SLC66A2: variants seen among roughly 807,000 people sequenced by gnomAD.
The protein encoded by SLC66A2 is solute carrier family 66 member 2.
A neutral mutation model predicts 25.5 loss-of-function variants in SLC66A2; 23 were observed. That is an observed-to-expected ratio of 0.90 (90% confidence interval 0.65 to 1.28). The LOEUF (loss-of-function observed/expected upper bound fraction) is 1.28. Ranked by LOEUF, SLC66A2 falls within the 50% of genes most tolerant of loss-of-function variation. The probability of loss-of-function intolerance (pLI) is 0.00; values close to 1 mark genes in which losing one functional copy is unlikely to be tolerated. For synonymous variants in SLC66A2, 193 were observed against 166.5 expected (o/e 1.16, Z -1.23); for missense variants, 396 against 373.1 (o/e 1.06, Z -0.51).
intron 5 of SLC66A2, among the ~76,000 whole-genome samples, chr18:79,914,388 C>T (rs1389349228): frequency 6.6e-6 from 1 of 152,226 alleles, no homozygotes. Flanking sequence ...GATACCACGA[C>T]GCCCCCATCA....
rs180984445 is a variant in SLC66A2 at position 79,927,535 on chromosome 18, C to T, written c.391+6434G>A. Among the ~76,000 whole-genome samples, 4 of 152,318 alleles carry T rather than the reference C, an allele frequency of 2.6e-5. No individual in the cohort carries two copies. Among genetic ancestry groups the T allele is most frequent in the African/African-American group, 7.2e-5 (3 of 41,570 alleles). On this transcript the variant is annotated intron_variant, in intron 4 of 5. Transcript: ENST00000397778. The surrounding 1 kb of genome is among the most constrained non-coding windows in gnomAD (Gnocchi z 6.2). Reference sequence around the variant, plus strand: ...TAGCCTTCGAGGCCGGCACTGGCCTCGCTGACCCCTCTAATCCTGCCACCT... The same window carrying T: ...TAGCCTTCGAGGCCGGCACTGGCCTTGCTGACCCCTCTAATCCTGCCACCT...
Position 79,940,220 on chromosome 18 carries a change from G to C in SLC66A2, c.337+3109C>G, listed in dbSNP as rs1013935030. Among the ~76,000 whole-genome samples, 2 of 152,152 alleles carry C rather than the reference G, an allele frequency of 1.3e-5. No homozygotes were observed. The highest frequency in any genetic ancestry group is 4.8e-5 in the African/African-American group (2 of 41,430). ...ACACAGAGGGGAACAACAGCCACTA[G>C]AGCCTGTCGGGGGGTGGAGAGCAGG... On this transcript the variant is annotated intron_variant, in intron 3 of 5. Transcript: ENST00000397778. The surrounding 1 kb of genome is among the most constrained non-coding windows in gnomAD (Gnocchi z 4.1).
Position 79,918,411 on chromosome 18 carries a change from G to A in SLC66A2, c.608+773C>T, listed in dbSNP as rs901851438. ...CACCGGGGGGCGGATCCCCAGTGAG[G>A]AGCGGGCCCGGGGGGGGGTCCCCAG... On this transcript the variant is annotated intron_variant, in intron 5 of 5. Transcript: ENST00000397778. This position sits in a 1 kb window ranked among gnomAD's most constrained non-coding sequence, Gnocchi z 4.0. 7.2e-6 allele frequency among the ~76,000 whole-genome samples: 1 copy of A among 138,910 alleles called. No homozygotes were observed. The highest frequency in any genetic ancestry group is 1.6e-5 in the Non-Finnish European group (1 of 61,534). The allele number at this position is 138,910 out of a possible 152,430, so 91.1% of individuals were successfully genotyped here.
intron 5 of SLC66A2, among the ~76,000 whole-genome samples, chr18:79,913,923 T>C (rs551654860): frequency 6.6e-6 from 1 of 152,326 alleles, no homozygotes; most frequent in South Asian, 2.1e-4. Flanking sequence ...CTTGTTTGTT[T>C]TTTTACATGG....
rs1388041248 is a variant in SLC66A2, at chr18:79,940,014, A to T, written c.337+3315T>A. ...CTAGATTTTCTTCTGGATGAAGCAA[A>T]TGTGGTACGTATACACCACGGAACA... On this transcript the variant is annotated intron_variant, in intron 3 of 5. Coordinates refer to ENST00000397778, the MANE Select transcript of SLC66A2 (RefSeq NM_025078.5). The surrounding 1 kb of genome is among the most constrained non-coding windows in gnomAD (Gnocchi z 4.1). Among the ~76,000 whole-genome samples, 3 of 152,252 alleles carry T rather than the reference A, an allele frequency of 2.0e-5. No homozygotes were observed. The highest frequency in any genetic ancestry group is 7.2e-5 in the African/African-American group (3 of 41,464).
intron 5 of SLC66A2, 73 bp downstream of exon 5, chr18:79,919,111 G>T: frequency 1.4e-5 from 19 of 1,350,764 alleles, no homozygotes; most frequent in East Asian, 2.4e-5. Flanking sequence ...ACAGGCGTTT[G>T]ATTTTTACCA....
In SLC66A2 at chr18:79,904,135, G is replaced by C; in HGVS notation, c.657C>G (p.Ala219=). Residue 219 remains alanine, a synonymous_variant, in exon 6 of 6, where the codon GCC becomes GCG. Coordinates refer to ENST00000397778, the MANE Select transcript of SLC66A2 (RefSeq NM_025078.5). This position sits in a 1 kb window ranked among gnomAD's most constrained non-coding sequence, Gnocchi z 6.3. The part of the protein sequence containing the change: ...MWTSGDAFKT[A]YFLLKGAPLQ... ...GAGGGGCACCCTTCAGCAGGAAGTA[G>C]GCCGTCTTGAAGGCGTCACCACTGG... 2 of 1,613,066 alleles carry C rather than the reference G, an allele frequency of 1.2e-6. No homozygotes were observed. Among genetic ancestry groups the C allele is most frequent in the Non-Finnish European group, 1.7e-6 (2 of 1,179,838 alleles).
At chr18:79,929,637 A>C (rs1294524986) in intron 4 of SLC66A2, among the ~76,000 whole-genome samples, 1 of 152,238 alleles carries the variant, frequency 6.6e-6, no homozygotes, top group African/African-American at 2.4e-5. Flanking sequence ...CAGTAGAAGA[A>C]GACTTTAAAA....
intron 2 of SLC66A2, among the ~76,000 whole-genome samples, chr18:79,945,841 C>T (rs769541829): frequency 2.0e-5 from 3 of 152,236 alleles, no homozygotes; most frequent in Non-Finnish European, 2.9e-5. Context: ...CTTCCAGGGC[C>T]GTTCTCCACT....
intron 4 of SLC66A2, among the ~76,000 whole-genome samples, chr18:79,919,914 A>G (rs796921510): frequency 9.3e-4 from 6 of 6,434 alleles, no homozygotes; most frequent in African/African-American, 1.2e-3. Flanking sequence ...TGAGAGGTCA[A>G]GGTCAGTGGG....
At chr18:79,926,909 A>G (rs1021631951) in intron 4 of SLC66A2, among the ~76,000 whole-genome samples, 2 of 152,228 alleles carry the variant, frequency 1.3e-5, no homozygotes, top group South Asian at 2.1e-4. Flanking sequence ...TCTTTTAAGC[A>G]CTTTGGCGCT....
intron 4 of SLC66A2, among the ~76,000 whole-genome samples, chr18:79,932,368 G>T (rs972920414): frequency 1.3e-5 from 2 of 151,936 alleles, no homozygotes; most frequent in Non-Finnish European, 2.9e-5. Flanking sequence ...CATAAGGAAT[G>T]AAAGAATATT....
Position 79,940,028 on chromosome 18 carries a change from C to T in SLC66A2, c.337+3301G>A, listed in dbSNP as rs1032938161. ...GGATGAAGCAAATGTGGTACGTATA[C>T]ACCACGGAACACTATGCAGCCATAA... On this transcript the variant is annotated intron_variant, in intron 3 of 5. Coordinates refer to ENST00000397778, the MANE Select transcript of SLC66A2 (RefSeq NM_025078.5). This position sits in a 1 kb window ranked among gnomAD's most constrained non-coding sequence, Gnocchi z 4.1. Among the ~76,000 whole-genome samples, 1 of 152,200 alleles carries T rather than the reference C, an allele frequency of 6.6e-6. No individual in the cohort carries two copies. The highest frequency in any genetic ancestry group is 2.4e-5 in the African/African-American group (1 of 41,446).
intron 3 of SLC66A2, among the ~76,000 whole-genome samples, chr18:79,934,336 G>C (rs1481546258): frequency 6.6e-6 from 1 of 152,194 alleles, no homozygotes; most frequent in African/African-American, 2.4e-5. Flanking sequence ...CAGCATGGGA[G>C]CCCGTCACAA....
At chr18:79,915,321 C>G (rs1466613484) in intron 5 of SLC66A2, 2 of 152,282 alleles carry the variant, frequency 1.3e-5, no homozygotes, top group Non-Finnish European at 2.9e-5. Context: ...CCCGCCCTGT[C>G]CCCTCCCCAT....
chr18:79,911,745 C>CGGGG (rs1983161387), intron 5 of SLC66A2, among the ~76,000 whole-genome samples: 1 of 151,394 alleles, frequency 6.6e-6, no homozygotes, highest in African/African-American at 2.4e-5. Flanking sequence ...GGGACGGGAG[C>CGGGG]AGGGAGGGGA....
intron 5 of SLC66A2, among the ~76,000 whole-genome samples, chr18:79,911,266 C>A (rs1011633634): frequency 6.6e-6 from 1 of 152,262 alleles, no homozygotes; most frequent in Non-Finnish European, 1.5e-5. Flanking sequence ...ATCTTTCCGT[C>A]CCCTTCCCTG....
intron 5 of SLC66A2, among the ~76,000 whole-genome samples, chr18:79,905,636 G>C (rs1206074302): frequency 6.6e-6 from 1 of 152,266 alleles, no homozygotes; most frequent in Non-Finnish European, 1.5e-5. Flanking sequence ...GCCCCACGCA[G>C]CTTCCGGTTG....
intron 5 of SLC66A2, 112 bp downstream of exon 5, chr18:79,919,072 G>T: frequency 1.0e-6 from 1 of 970,142 alleles, no homozygotes; most frequent in Admixed American, 2.1e-5. Context: ...AGCTTCACAG[G>T]TCAACGTGGG....
Sources: allele counts gnomAD v4.1 joint callset (sites outside exome capture counted in the v4.1 genomes callset), GRCh38; gene constraint gnomAD v4.1.1; non-coding constraint Gnocchi (gnomAD v3.1); transcripts MANE v1.5; gene names NCBI Gene and HGNC (gene_info 2026-07-23, HGNC 2026-07-21).